Variants in IBA57 observed in about 807,000 individuals in gnomAD.
IBA57 encodes iron-sulfur cluster assembly factor IBA57.
Under a neutral mutation model 20.4 loss-of-function variants are expected in IBA57, and 20 were observed. The observed-to-expected ratio is 0.98, with a 90% CI of 0.69 to 1.42. IBA57 has a LOEUF of 1.42. Among genes scored for constraint, IBA57 ranks in the 40% most tolerant of loss-of-function variants. IBA57 has a pLI of 0.00. For missense variants in IBA57, 608 were observed against 499.3 expected, an observed-to-expected ratio of 1.22 and a Z score of -2.07; for synonymous variants, 310 against 233.9, an observed-to-expected ratio of 1.33 and a Z score of -2.97.
intron 1 of IBA57, 137 bp downstream of exon 1, chr1:228,166,294 T>G (rs1571913728): frequency 6.2e-5 from 16 of 257,176 alleles, no homozygotes; most frequent in East Asian, 2.4e-4. Flanking sequence ...CGGGATGGGG[T>G]GGAAGCTCAA....
rs2035037982 is a variant in IBA57 at position 228,177,095 on chromosome 1, C to A, written c.*1582C>A. 6.6e-6 allele frequency: 1 copy of A among 152,320 alleles called. No homozygotes were observed. The highest frequency in any genetic ancestry group is 2.4e-5 in the African/African-American group (1 of 41,474). The allele number at this position is 152,320 out of a possible 1,614,324, so 9.4% of individuals were successfully genotyped here. On this transcript the variant is annotated 3_prime_UTR_variant, in exon 3 of 3. Coordinates refer to ENST00000366711, the MANE Select transcript of IBA57 (RefSeq NM_001010867.4). Reference sequence around the variant, plus strand: ...GCATGGAGACATTTGATCAGCTTCCCAGCCAGTTTTCTCTCCAGCTCAGCC... The same window carrying A: ...GCATGGAGACATTTGATCAGCTTCCAAGCCAGTTTTCTCTCCAGCTCAGCC...
In IBA57 at chr1:228,170,124, C is replaced by T. The variant is rs971405348; in HGVS notation, c.341+3967C>T. On this transcript the variant is annotated intron_variant, in intron 1 of 2. Transcript: ENST00000366711. This position sits in a 1 kb window ranked among gnomAD's most constrained non-coding sequence, Gnocchi z 4.8. Reference sequence around the variant, plus strand: ...GACCTCATGATCCGCCCGCCTCGGCCTCCCAAAGTGCTGGGATTACAGGCG... The same window carrying T: ...GACCTCATGATCCGCCCGCCTCGGCTTCCCAAAGTGCTGGGATTACAGGCG... Among the ~76,000 whole-genome samples the T allele has an allele frequency of 6.6e-6, 1 of 152,186 alleles. No individual in the cohort carries two copies. The highest frequency in any genetic ancestry group is 1.5e-5 in the Non-Finnish European group (1 of 68,034).
rs941210171 is a variant in IBA57 at position 228,176,663 on chromosome 1, G to T, written c.*1150G>T. 6.6e-6 allele frequency: 1 copy of T among 152,416 alleles called. No individual in the cohort carries two copies. The highest frequency in any genetic ancestry group is 2.4e-5 in the African/African-American group (1 of 41,474). 9.4% of individuals were successfully genotyped at this position (152,416 alleles called of 1,614,324 possible). On this transcript the variant is annotated 3_prime_UTR_variant, in exon 3 of 3. Coordinates refer to ENST00000366711, the MANE Select transcript of IBA57 (RefSeq NM_001010867.4). ...TTTGGGCCACCAAGCTGGACGTTAG[G>T]GTGGCCACAGAGGGCCAAGCAGGCA...
chr1:228,174,001 TGCGTTGTCTGCAC>T (rs2034963400), intron 1 of IBA57, among the ~76,000 whole-genome samples: 1 of 152,222 alleles, frequency 6.6e-6, no homozygotes, highest in African/African-American at 2.4e-5. Flanking sequence ...TGGCCTGCTG[TGCGTTGTCTGCAC>T]GCACCCTCGC....
rs2034850190 is a variant in IBA57 at position 228,166,176 on chromosome 1, G to A, written c.341+19G>A. ...TGTACGGGTGAGCGCGTGCTGGGAG[G>A]GCGCTCGGGGGCGGGCACCCAGGGG... is the stretch of plus-strand genomic sequence containing the variant. On this transcript the variant is annotated intron_variant, in intron 1 of 2. Transcript: ENST00000366711. 3.5e-6 allele frequency: 5 copies of A among 1,420,080 alleles called. No individual in the cohort carries two copies. Among genetic ancestry groups the A allele is most frequent in the Admixed American group, 2.7e-5 (1 of 36,672 alleles). The allele number at this position is 1,420,080 out of a possible 1,614,324, so 88.0% of individuals were successfully genotyped here. A position where few individuals can be genotyped will look rare whatever the true frequency, so the allele number is the denominator to read the frequency against.
In IBA57 at chr1:228,179,671, G is replaced by A. The variant is rs138981280; in HGVS notation, c.*4158G>A. The stretch of plus-strand genomic sequence containing the variant: ...TAAAAAGCTCTACCCAAACAGTCAC[G>A]TCTTGGTGAAAGTACAGAATCTCAT... On this transcript the variant is annotated 3_prime_UTR_variant, in exon 3 of 3. Coordinates refer to ENST00000366711, the MANE Select transcript of IBA57 (RefSeq NM_001010867.4). 4 of 152,334 alleles carry A rather than the reference G, an allele frequency of 2.6e-5. No homozygotes were observed. The East Asian group carries it at 5.8e-4, about 22-fold the overall frequency. The allele number at this position is 152,334 out of a possible 1,614,324, so 9.4% of individuals were successfully genotyped here.
rs1300778319 is a variant in IBA57, at chr1:228,165,944, C to A, written c.128C>A (p.Thr43Lys). Residue 43 changes from threonine to lysine, a missense_variant, in exon 1 of 3, where the codon ACG becomes AAG. Thr to Lys is a moderately conservative substitution (Grantham distance 78). Coordinates refer to ENST00000366711, the MANE Select transcript of IBA57 (RefSeq NM_001010867.4). ...HSSCSPGGDP[T>K]AGAAWACFRL... is the part of the protein sequence containing the mutation. ...TCCTGCAGTCCTGGTGGCGACCCAA[C>A]GGCCGGAGCGGCCTGGGCCTGCTTC... 1.3e-6 allele frequency: 2 copies of A among 1,502,376 alleles called. No individual in the cohort carries two copies. Among genetic ancestry groups the A allele is most frequent in the Non-Finnish European group, 8.8e-7 (1 of 1,133,130 alleles). 93.1% of individuals were successfully genotyped at this position (1,502,376 alleles called of 1,614,324 possible).
Position 228,169,827 on chromosome 1 carries a change from T to C in IBA57, c.341+3670T>C, listed in dbSNP as rs187940208. 2.9e-3 allele frequency among the ~76,000 whole-genome samples: 446 copies of C among 152,324 alleles called. 2 individuals are homozygous for C. The highest frequency in any genetic ancestry group is 5.7e-3 in the Non-Finnish European group (389 of 68,032). ...CACATTGGCGTTCTTCACTTAGTGA[T>C]ATGCGTTTAGATTCCTCCATGTTTT... On this transcript the variant is annotated intron_variant, in intron 1 of 2. Transcript: ENST00000366711.
chr1:228,171,232 G>A (rs12130630), intron 1 of IBA57: 44,244 of 152,254 alleles, frequency 0.29, 6,851 homozygotes, highest in Non-Finnish European at 0.35. Context: ...ATGGGGTGGG[G>A]TACAGGCCAG....
intron 1 of IBA57, chr1:228,171,947 A>T (rs1278523532): frequency 6.6e-6 from 1 of 152,174 alleles, no homozygotes; most frequent in Non-Finnish European, 1.5e-5. Context: ...TATAGATTTT[A>T]AAAATACAAA....
At position 228,165,829 on chromosome 1, in the gene IBA57, G is replaced by C; in HGVS notation, c.13G>C (p.Ala5Pro). The change falls in exon 1 of 3, where the codon GCG becomes CCG. Residue 5 changes from alanine (A) to proline (P), a missense_variant. By Grantham distance (27) the Ala-to-Pro change is conservative (BLOSUM62 -1). Coordinates refer to ENST00000366711, the MANE Select transcript of IBA57 (RefSeq NM_001010867.4). MATA[A>P]LLRGATPGRG... ...ACTCTTGTCCAAGATGGCGACCGCG[G>C]CGCTGCTTCGAGGCGCCACTCCGGG... 7.7e-7 allele frequency: 1 copy of C among 1,305,238 alleles called. No individual in the cohort carries two copies. Among genetic ancestry groups the C allele is most frequent in the Non-Finnish European group, 9.7e-7 (1 of 1,032,180 alleles). 80.9% of individuals were successfully genotyped at this position (1,305,238 alleles called of 1,614,324 possible). A position where few individuals can be genotyped will look rare whatever the true frequency, so the allele number is the denominator to read the frequency against.
chr1:228,178,690 T>C lies in IBA57; in HGVS notation c.*3177T>C, dbSNP rs1444899358. 6.6e-6 allele frequency: 1 copy of C among 152,244 alleles called. No individual in the cohort carries two copies. Among genetic ancestry groups the C allele is most frequent in the Non-Finnish European group, 1.5e-5 (1 of 68,062 alleles). The allele number at this position is 152,244 out of a possible 1,614,324, so 9.4% of individuals were successfully genotyped here. On this transcript the variant is annotated 3_prime_UTR_variant, in exon 3 of 3. Coordinates refer to ENST00000366711, the MANE Select transcript of IBA57 (RefSeq NM_001010867.4). ...ACCCACCTCCAAATCAGGCCTTAGA[T>C]AGAAAACATCCTAAGAAGTATACGT...
In IBA57 at chr1:228,175,376, G is replaced by T; in HGVS notation, c.934G>T (p.Ala312Ser). The T allele has an allele frequency of 6.2e-7, 1 of 1,613,008 alleles. No homozygotes were observed. Among genetic ancestry groups the T allele is most frequent in the Non-Finnish European group, 8.5e-7 (1 of 1,179,984 alleles). The change falls in exon 3 of 3, where the codon GCT becomes TCT. Residue 312 changes from alanine to serine, a missense_variant. By Grantham distance (99) the Ala-to-Ser change is moderately conservative. Transcript: ENST00000366711. ...ASGQTVGKFRAGQGNVGLALL... is the reference protein window; with the variant it reads ...ASGQTVGKFRSGQGNVGLALL... Reference sequence around the variant, plus strand: ...AGGACAGACTGTGGGCAAGTTCAGGGCTGGCCAGGGCAACGTGGGGCTGGC... The same window carrying T: ...AGGACAGACTGTGGGCAAGTTCAGGTCTGGCCAGGGCAACGTGGGGCTGGC...
At chr1:228,167,829 C>G (rs1216429921) in intron 1 of IBA57, among the ~76,000 whole-genome samples, 1 of 152,214 alleles carries the variant, frequency 6.6e-6, no homozygotes. Flanking sequence ...GTATTCATTA[C>G]ATTCTGTCTA....
chr1:228,174,156 G>A (rs1297018089), intron 1 of IBA57, among the ~76,000 whole-genome samples: 14 of 142,526 alleles, frequency 9.8e-5, no homozygotes, highest in Non-Finnish European at 1.7e-4. Context: ...TGTGGGCGTG[G>A]CTCGCTGTGG....
chr1:228,172,153 A>G (rs1157598185), intron 1 of IBA57: 1 of 151,656 alleles, frequency 6.6e-6, no homozygotes, highest in Non-Finnish European at 1.5e-5. Flanking sequence ...GCAAAAAAAA[A>G]AACAAAACAA....
intron 1 of IBA57, among the ~76,000 whole-genome samples, chr1:228,167,841 C>T (rs1319896679): frequency 1.3e-5 from 2 of 152,222 alleles, no homozygotes; most frequent in Non-Finnish European, 2.9e-5. Flanking sequence ...TTCTGTCTAG[C>T]TGCTTTAATT....
chr1:228,165,997 G>C lies in IBA57; in HGVS notation c.181G>C (p.Val61Leu). The C allele has an allele frequency of 6.5e-7, 1 of 1,528,204 alleles. No individual in the cohort carries two copies. The highest frequency in any genetic ancestry group is 8.7e-7 in the Non-Finnish European group (1 of 1,145,028). 94.7% of individuals were successfully genotyped at this position (1,528,204 alleles called of 1,614,324 possible). The change falls in exon 1 of 3, where the codon GTG (valine) becomes CTG (leucine). Residue 61 changes from valine to leucine, a missense_variant. Coordinates refer to ENST00000366711, the MANE Select transcript of IBA57 (RefSeq NM_001010867.4). ...FRLDGRTLLR[V>L]RGPDAAPFLL... ...GCTGGACGGGCGCACCCTGCTGCGCGTGCGTGGCCCCGACGCGGCGCCCTT... is the reference window on the plus strand; with the variant it reads ...GCTGGACGGGCGCACCCTGCTGCGCCTGCGTGGCCCCGACGCGGCGCCCTT...
chr1:228,175,149 C>G lies in IBA57; in HGVS notation c.707C>G (p.Pro236Arg). The G allele has an allele frequency of 6.2e-7, 1 of 1,612,874 alleles. No individual in the cohort carries two copies. Among genetic ancestry groups the G allele is most frequent in the South Asian group, 1.1e-5 (1 of 91,074 alleles). The part of the protein sequence containing the change: ...QGVPEGVRDL[P>R]PGVALPLESN... ...GTTCCTGAGGGGGTCCGAGACTTGC[C>G]TCCTGGGGTGGCCCTGCCCCTGGAG... The change falls in exon 3 of 3, where the codon CCT (proline) becomes CGT (arginine). Residue 236 changes from proline to arginine, a missense_variant. By Grantham distance (103) the Pro-to-Arg change is moderately radical. Transcript: ENST00000366711.
Sources: allele counts gnomAD v4.1 joint callset (sites outside exome capture counted in the v4.1 genomes callset), GRCh38; gene constraint gnomAD v4.1.1; non-coding constraint Gnocchi (gnomAD v3.1); transcripts MANE v1.5; gene names NCBI Gene and HGNC (gene_info 2026-07-23, HGNC 2026-07-21).